ITGB5: variants seen among roughly 807,000 people sequenced by gnomAD.
ITGB5 encodes integrin subunit beta 5.
In ITGB5, 38 loss-of-function variants were observed where a neutral mutation model predicts 84.8. That is an observed-to-expected ratio of 0.45 (90% confidence interval 0.35 to 0.59). The LOEUF (loss-of-function observed/expected upper bound fraction) is 0.59, where lower values mean the gene tolerates loss of function less well. ITGB5 is among the 20% of genes least tolerant of loss of function. ITGB5 has a pLI of 0.01. For synonymous variants in ITGB5, 393 were observed against 414.4 expected (o/e 0.95, Z 0.63); for missense variants, 905 against 1,034.5 (o/e 0.87, Z 1.72).
intron 7 of ITGB5, among the ~76,000 whole-genome samples, chr3:124,818,912 G>A (rs2064652761): frequency 1.3e-5 from 2 of 152,128 alleles, no homozygotes; most frequent in Admixed American, 1.3e-4. Flanking sequence ...CAGCTGTTCT[G>A]GGGGTGGAGG....
intron 10 of ITGB5, chr3:124,787,399 C>T (rs1190834806): frequency 6.6e-6 from 1 of 152,002 alleles, no homozygotes. Flanking sequence ...TTTTGTCTTT[C>T]AAGATCTCAA....
At chr3:124,813,458 C>T (rs1463542346) in intron 8 of ITGB5, among the ~76,000 whole-genome samples, 2 of 152,188 alleles carry the variant, frequency 1.3e-5, no homozygotes, top group Non-Finnish European at 2.9e-5. Context: ...CTGCCCCCAC[C>T]GCAGATGCCA....
chr3:124,778,835 G>C (rs932733181), intron 10 of ITGB5, among the ~76,000 whole-genome samples: 2 of 152,198 alleles, frequency 1.3e-5, no homozygotes, highest in Non-Finnish European at 2.9e-5. Context: ...GCTGGGCTGA[G>C]GGCGAGGGTG....
intron 1 of ITGB5, among the ~76,000 whole-genome samples, chr3:124,898,110 G>A (rs1579355145): frequency 1.3e-5 from 2 of 152,122 alleles, no homozygotes; most frequent in African/African-American, 4.8e-5. Context: ...GGGGGTAGGG[G>A]TAGGGGGCTT....
At chr3:124,763,807 G>A in intron 14 of ITGB5, 89 bp from the exon 15 acceptor site, 2 of 743,848 alleles carry the variant, frequency 2.7e-6, no homozygotes, top group South Asian at 3.3e-5. Flanking sequence ...CCCTTCCCAG[G>A]TCAGCCCCCT....
rs2065386616 is a variant in ITGB5 at position 124,866,181 on chromosome 3, C to T, written c.157-6735G>A. The stretch of plus-strand genomic sequence containing the variant: ...TATTTTTAGTAGAGATGGGGTTTCA[C>T]CATGTTGGCCAGGCTGGTCTTGAAC... On this transcript the variant is annotated intron_variant, in intron 2 of 14. Transcript: ENST00000296181. Among the ~76,000 whole-genome samples, 5 of 151,040 alleles carry T rather than the reference C, an allele frequency of 3.3e-5. No homozygotes were observed. The South Asian group carries it at 1.0e-3, about 32-fold the overall frequency.
chr3:124,850,959 T>G (rs2065144178), intron 3 of ITGB5, among the ~76,000 whole-genome samples: 1 of 152,220 alleles, frequency 6.6e-6, no homozygotes, highest in Admixed American at 6.5e-5. Flanking sequence ...GAGCCTGCAA[T>G]CCTATTTCCT....
rs2063954674 is a variant in ITGB5, at chr3:124,778,396, A to T, written c.1694-4484T>A. 2.0e-5 allele frequency among the ~76,000 whole-genome samples: 3 copies of T among 152,194 alleles called. No homozygotes were observed. The South Asian group carries it at 6.2e-4, about 32-fold the overall frequency. On this transcript the variant is annotated intron_variant, in intron 10 of 14. Coordinates refer to ENST00000296181, the MANE Select transcript of ITGB5 (RefSeq NM_002213.5). ...CACAGCCTCTTGCCTCCTCTTATAA[A>T]ATTGAATCCTGGCTATTCAGAGGAA... is the stretch of plus-strand genomic sequence containing the variant.
chr3:124,767,759 G>A (rs1179182624), intron 12 of ITGB5, among the ~76,000 whole-genome samples: 1 of 152,220 alleles, frequency 6.6e-6, no homozygotes, highest in African/African-American at 2.4e-5. Flanking sequence ...AATATGTGCT[G>A]GATGCATATA....
chr3:124,833,343 G>A (rs2064884932), intron 5 of ITGB5, among the ~76,000 whole-genome samples: 1 of 152,134 alleles, frequency 6.6e-6, no homozygotes. Flanking sequence ...AACATCAATA[G>A]GCAAATAACA....
intron 1 of ITGB5, among the ~76,000 whole-genome samples, chr3:124,876,016 A>G (rs186603433): frequency 6.6e-6 from 1 of 152,284 alleles, no homozygotes; most frequent in East Asian, 1.9e-4. Flanking sequence ...GAAAGGCGAG[A>G]TGGTTAAAGG....
At chr3:124,805,126 T>C (rs1231391942) in intron 9 of ITGB5, among the ~76,000 whole-genome samples, 1 of 143,556 alleles carries the variant, frequency 7.0e-6, no homozygotes, top group Non-Finnish European at 1.5e-5. Flanking sequence ...TCCCTTCCTT[T>C]CTCCCTTTCT....
chr3:124,823,088 C>T (rs1350094307), intron 5 of ITGB5, among the ~76,000 whole-genome samples: 1 of 151,924 alleles, frequency 6.6e-6, no homozygotes, highest in African/African-American at 2.4e-5. Flanking sequence ...TAGGGAGACC[C>T]CATCTCTACA....
At position 124,796,699 on chromosome 3, in the gene ITGB5, C is replaced by T; in HGVS notation, c.1382G>A (p.Cys461Tyr). The T allele has an allele frequency of 6.2e-7, 1 of 1,614,100 alleles. No homozygotes were observed. Among genetic ancestry groups the T allele is most frequent in the Non-Finnish European group, 8.5e-7 (1 of 1,180,040 alleles). Reference sequence around the variant, plus strand: ...CAGCCCCACGCTGCAGCCGCACGTGCAGTTGTAGGTGACCCCCACCTCCAG... The same window carrying T: ...CAGCCCCACGCTGCAGCCGCACGTGTAGTTGTAGGTGACCCCCACCTCCAG... ...DSLEVGVTYN[C>Y]TCGCSVGLEP... Residue 461 changes from cysteine (C) to tyrosine (Y), a missense_variant, in exon 10 of 15, where the codon TGC becomes TAC. Around this residue, in one of 3 missense-constraint regions of ITGB5, gnomAD observed 656 missense variants for 734.7 expected, o/e 0.89. Transcript: ENST00000296181.
intron 3 of ITGB5, among the ~76,000 whole-genome samples, chr3:124,856,157 A>T (rs1239431278): frequency 6.6e-6 from 1 of 152,122 alleles, no homozygotes; most frequent in African/African-American, 2.4e-5. Context: ...AACCACTGAG[A>T]TTACAGGCAT....
intron 1 of ITGB5, among the ~76,000 whole-genome samples, 182 bp downstream of exon 1, chr3:124,886,749 G>A (rs1211721695): frequency 1.3e-5 from 2 of 151,594 alleles, no homozygotes; most frequent in South Asian, 2.1e-4. Context: ...ACGACAGCCC[G>A]GCGGGGCTGC....
chr3:124,773,862 C>T lies in ITGB5; in HGVS notation c.1744G>A (p.Gly582Arg), dbSNP rs780605496. 208 of 1,614,066 alleles carry T rather than the reference C, an allele frequency of 1.3e-4. No homozygotes were observed. The highest frequency in any genetic ancestry group is 1.7e-4 in the Non-Finnish European group (201 of 1,180,050). ...TCTGTCGAGCAGTTACAGTTGTCCCCGATGTAACCTGCATGGCACTTGCAT... is the reference window on the plus strand; with the variant it reads ...TCTGTCGAGCAGTTACAGTTGTCCCTGATGTAACCTGCATGGCACTTGCAT... ...GECKCHAGYI[G>R]DNCNCSTDIS... is the part of the protein sequence containing the mutation. The change falls in exon 11 of 15, where the codon GGG (glycine) becomes AGG (arginine). Residue 582 changes from glycine (G) to arginine (R), a missense_variant. Gly to Arg is a moderately radical substitution (Grantham distance 125). Around this residue, in one of 3 missense-constraint regions of ITGB5, gnomAD observed 116 missense variants for 177.0 expected, o/e 0.66. Coordinates refer to ENST00000296181, the MANE Select transcript of ITGB5 (RefSeq NM_002213.5).
At chr3:124,872,107 T>A (rs1292817717) in intron 2 of ITGB5, among the ~76,000 whole-genome samples, 1 of 152,144 alleles carries the variant, frequency 6.6e-6, no homozygotes, top group Non-Finnish European at 1.5e-5. Flanking sequence ...AGAAGGGTGA[T>A]AACAAAGATG....
rs569819721 is a variant in ITGB5 at position 124,775,893 on chromosome 3, C to T, written c.1694-1981G>A. Among the ~76,000 whole-genome samples the T allele has an allele frequency of 1.6e-4, 25 of 152,342 alleles. No homozygotes were observed. In the East Asian group the frequency reaches 4.1e-3, roughly 25 times the overall value. On this transcript the variant is annotated intron_variant, in intron 10 of 14. Coordinates refer to ENST00000296181, the MANE Select transcript of ITGB5 (RefSeq NM_002213.5). ...CTCTCTGGTGCCCAGAACCTGTAGG[C>T]GGCAGGGGGACCATCTGGACAGCCA...
Sources: gnomAD v4.1 joint callset for allele counts (sites outside exome capture counted in the v4.1 genomes callset) on GRCh38, gnomAD v4.1.1 for gene constraint, gnomAD v4.1.1 regional missense constraint, MANE v1.5 for transcripts, NCBI Gene and HGNC (gene_info 2026-07-23, HGNC 2026-07-21) for gene names.